Variants in PDXDC1 observed in about 807,000 individuals in gnomAD.
PDXDC1 encodes the protein pyridoxal-dependent decarboxylase domain-containing protein 1.
Under a neutral mutation model 100.1 loss-of-function variants are expected in PDXDC1, and 42 were observed. The ratio of observed to expected loss-of-function variants is 0.42; its 90% CI spans 0.33 to 0.54. PDXDC1 has a LOEUF of 0.54. Ranked by LOEUF, PDXDC1 falls within the 20% of genes least tolerant of loss-of-function variation. The pLI, the probability that PDXDC1 is intolerant of heterozygous loss-of-function variation, is 0.10. For synonymous variants in PDXDC1, 260 were observed against 371.7 expected, an observed-to-expected ratio of 0.70 and a Z score of 3.46; for missense variants, 636 against 979.2, an observed-to-expected ratio of 0.65 and a Z score of 4.68.
intron 16 of PDXDC1, chr16:15,134,073 C>A: frequency 6.4e-7 from 1 of 1,568,632 alleles, no homozygotes. Flanking sequence ...TGCAGCCCAC[C>A]GCTGCAGGCA....
chr16:15,035,363 G>T, intron 21 of PDXDC1, 86 bp from the exon 22 acceptor site: 1 of 644,130 alleles, frequency 1.6e-6, no homozygotes, highest in South Asian at 2.3e-5. Context: ...GGAGGTTATT[G>T]GGGAGCAAGG....
intron 16 of PDXDC1, among the ~76,000 whole-genome samples, chr16:15,102,203 G>T (rs1205729329): frequency 6.6e-6 from 1 of 151,016 alleles, no homozygotes; most frequent in African/African-American, 2.4e-5. Context: ...TGTTGCCCAG[G>T]CTGGTCTCGA....
chr16:15,032,684 T>G (rs1223375988), intron 17 of PDXDC1, 177 bp from the exon 18 acceptor site: 1 of 418,784 alleles, frequency 2.4e-6, no homozygotes. Context: ...TTCCTGTGAC[T>G]TTCTCTTTAC....
chr16:15,066,493 CGTG>C (rs995219843), intron 16 of PDXDC1, among the ~76,000 whole-genome samples: 1 of 151,540 alleles, frequency 6.6e-6, no homozygotes, highest in African/African-American at 2.4e-5. Context: ...ATTAGCTGGG[CGTG>C]GTGGCAGGCG....
the PDXDC1 span, among the ~76,000 whole-genome samples, chr16:15,144,706 A>G: frequency 6.6e-6 from 1 of 152,106 alleles, no homozygotes; most frequent in Non-Finnish European, 1.5e-5. Flanking sequence ...TCCTCCCGGG[A>G]CCCACAGGCA....
chr16:15,004,392 T>A lies in PDXDC1; in HGVS notation c.389+59T>A, dbSNP rs1040924236. On this transcript the variant is annotated intron_variant, in intron 5 of 22. Transcript: ENST00000396410. Reference sequence around the variant, plus strand: ...TATGAGTCGGGTGTAGACTGAAAGATCTTTTTTCTGGAGCTGTACTACTTG... The same window carrying A: ...TATGAGTCGGGTGTAGACTGAAAGAACTTTTTTCTGGAGCTGTACTACTTG... 5 of 1,599,352 alleles carry A rather than the reference T, an allele frequency of 3.1e-6. No homozygotes were observed. In the African/African-American group the frequency reaches 5.4e-5, roughly 17 times the overall value.
chr16:14,980,380 C>G (rs1172640741), intron 1 of PDXDC1, among the ~76,000 whole-genome samples: 2 of 152,282 alleles, frequency 1.3e-5, no homozygotes, highest in South Asian at 2.1e-4. Context: ...TATGCGACCT[C>G]TGCCCCACTG....
At chr16:15,147,922 T>A in the PDXDC1 span, among the ~76,000 whole-genome samples, 1 of 152,114 alleles carries the variant, frequency 6.6e-6, no homozygotes, top group Non-Finnish European at 1.5e-5. Context: ...CCTGACCTTG[T>A]GATCCCCCCA....
chr16:15,036,140 C>A lies in PDXDC1; in HGVS notation c.2232C>A (p.Leu744=). The change falls in exon 23 of 23, where the codon CTC becomes CTA. Residue 744 remains leucine (L), a synonymous_variant. Transcript: ENST00000396410. ...RLSSGPEQIT[L]EASSTEGHPG... ...CCAGTGGGCCGGAGCAGATCACCCT[C>A]GAGGCCAGCAGCACTGAGGGACACC... 6.2e-7 allele frequency: 1 copy of A among 1,614,124 alleles called. No individual in the cohort carries two copies. Among genetic ancestry groups the A allele is most frequent in the Non-Finnish European group, 8.5e-7 (1 of 1,180,032 alleles).
chr16:15,132,748 C>G lies in PDXDC1; in HGVS notation c.1400-6131C>G. The G allele has an allele frequency of 1.8e-6, 2 of 1,131,142 alleles. 1 individual carries two copies. Among genetic ancestry groups the G allele is most frequent in the Non-Finnish European group, 2.6e-6 (2 of 756,248 alleles). The allele number at this position is 1,131,142 out of a possible 1,614,324, so 70.1% of individuals were successfully genotyped here. A position where few individuals can be genotyped will look rare whatever the true frequency, so the allele number is the denominator to read the frequency against. ...TGCACTGGGCCAGCGCAGCAGCGAT[C>G]TGCTGGATGTCATCCACAGTGTGGA... On this transcript the variant is annotated intron_variant, in intron 16 of 16. Coordinates refer to the PDXDC1 transcript ENST00000535621.
intron 16 of PDXDC1, chr16:15,122,013 C>G (rs967392782): frequency 7.1e-6 from 2 of 281,660 alleles, no homozygotes; most frequent in South Asian, 3.0e-5. Context: ...TGGTGGTCTA[C>G]TAAAAATACA....
intron 6 of PDXDC1, among the ~76,000 whole-genome samples, chr16:15,007,318 C>T (rs2040866081): frequency 1.3e-5 from 2 of 152,190 alleles, no homozygotes; most frequent in Non-Finnish European, 2.9e-5. Flanking sequence ...CTACAGGTGC[C>T]CGCCACCACG....
At chr16:15,087,079 TAC>T (rs1322675724) in intron 16 of PDXDC1, among the ~76,000 whole-genome samples, 3 of 152,198 alleles carry the variant, frequency 2.0e-5, no homozygotes, top group Admixed American at 1.3e-4. Flanking sequence ...ATGTATAAAA[TAC>T]AGTGTCAATT....
At chr16:14,983,109 C>T (rs1343931799) in intron 1 of PDXDC1, among the ~76,000 whole-genome samples, 1 of 152,232 alleles carries the variant, frequency 6.6e-6, no homozygotes, top group Non-Finnish European at 1.5e-5. Flanking sequence ...CCCTAAGAGG[C>T]CTCTGAAATA....
At chr16:15,016,431 A>G in intron 9 of PDXDC1, 3 of 1,254,366 alleles carry the variant, frequency 2.4e-6, no homozygotes, top group South Asian at 1.8e-5. Flanking sequence ...GACATCAACC[A>G]GGATCCAGTG....
At chr16:15,096,517 G>C (rs1488539418) in intron 16 of PDXDC1, among the ~76,000 whole-genome samples, 2 of 152,212 alleles carry the variant, frequency 1.3e-5, no homozygotes, top group Admixed American at 1.3e-4. Flanking sequence ...GGGAATGTTG[G>C]ACAGGAATCA....
At chr16:14,984,495 A>ATATATTTTTT (rs1555542734) in intron 1 of PDXDC1, among the ~76,000 whole-genome samples, 1 of 73,490 alleles carries the variant, frequency 1.4e-5, no homozygotes, top group Non-Finnish European at 2.4e-5. Flanking sequence ...ATATATATAT[A>ATATATTTTTT]TTTTTTTTTT....
In PDXDC1 at chr16:14,982,475, T is replaced by G. The variant is rs567392158; in HGVS notation, c.21+7255T>G. ...CCATCTCTACTAAAAATACAAAAAT[T>G]AGCCAGGTGTGGTGGCTCACGCCTG... On this transcript the variant is annotated intron_variant, in intron 1 of 22. Transcript: ENST00000396410. Among the ~76,000 whole-genome samples the G allele has an allele frequency of 7.5e-3, 1,144 of 152,238 alleles. 17 individuals are homozygous for G. The highest frequency in any genetic ancestry group is 0.026 in the African/African-American group (1,075 of 41,504).
intron 13 of PDXDC1, 144 bp downstream of exon 13, chr16:15,022,898 C>G (rs557726743): frequency 2.7e-6 from 2 of 737,348 alleles, no homozygotes; most frequent in East Asian, 3.0e-5. Flanking sequence ...AACAAAAAAA[C>G]GAAACAAAAA....
Sources: gnomAD v4.1 joint callset for allele counts (sites outside exome capture counted in the v4.1 genomes callset) on GRCh38, gnomAD v4.1.1 for gene constraint, MANE v1.5 for transcripts, NCBI Gene and HGNC (gene_info 2026-07-23, HGNC 2026-07-21) for gene names.